The following VPS13D variants were observed in gnomAD, a reference collection of about 807,000 sequenced individuals.
The protein encoded by VPS13D is vacuolar protein sorting 13 homolog D.
VPS13D carries 187 observed loss-of-function variants against 461.9 expected under a neutral mutation model. The ratio of observed to expected loss-of-function variants is 0.40; its 90% CI spans 0.36 to 0.46. VPS13D has a LOEUF of 0.46. VPS13D is among the 20% of genes least tolerant of loss of function. VPS13D has a pLI of 0.60. For synonymous variants in VPS13D, 1,951 were observed against 1,986.3 expected, an observed-to-expected ratio of 0.98 and a Z score of 0.47; for missense variants, 4,711 against 5,364.9, an observed-to-expected ratio of 0.88 and a Z score of 3.81.
At chr1:12,382,008 TCTTCCTTC>T (rs529283157) in intron 57 of VPS13D, among the ~76,000 whole-genome samples, 3 of 144,958 alleles carry the variant, frequency 2.1e-5, no homozygotes, top group Admixed American at 7.1e-5. Flanking sequence ...TTCCTTCCTT[TCTTCCTTC>T]CTTCCTTCCT....
chr1:12,400,056 G>A (rs763578080), intron 60 of VPS13D, 125 bp from the exon 61 acceptor site: 9 of 1,028,104 alleles, frequency 8.8e-6, no homozygotes, highest in African/African-American at 4.8e-5. Flanking sequence ...TATTGAGATC[G>A]AGTGAAATGA....
intron 37 of VPS13D, among the ~76,000 whole-genome samples, chr1:12,331,636 C>T (rs1313276442): frequency 1.3e-5 from 2 of 149,178 alleles, no homozygotes; most frequent in East Asian, 4.0e-4. Flanking sequence ...GGTGTGAACC[C>T]AGGAGGTGGA....
chr1:12,417,425 G>A (rs1644808336), intron 65 of VPS13D, among the ~76,000 whole-genome samples: 1 of 152,210 alleles, frequency 6.6e-6, no homozygotes, highest in Non-Finnish European at 1.5e-5. Flanking sequence ...AAAAGGTGAA[G>A]CGAGTTGAAG....
rs1643882563 is a variant in VPS13D, at chr1:12,356,004, T to G, written c.9785T>G (p.Leu3262Arg). ...MRLYDVNRRQ[L>R]NLTIRIVCRA... ...CTCTATGACGTCAACCGTCGGCAGC[T>G]GAACCTCACCATCCGGATTGTGTGT... Residue 3262 changes from leucine to arginine, a missense_variant, in exon 48 of 70, where the codon CTG becomes CGG. Coordinates refer to ENST00000620676, the MANE Select transcript of VPS13D (RefSeq NM_015378.4). 1 of 1,614,058 alleles carries G rather than the reference T, an allele frequency of 6.2e-7. No homozygotes were observed. Among genetic ancestry groups the G allele is most frequent in the African/African-American group, 1.3e-5 (1 of 74,934 alleles).
rs180925913 is a variant in VPS13D, at chr1:12,323,665, A to C, written c.7916-41A>C. The C allele has an allele frequency of 2.4e-3, 3,853 of 1,574,588 alleles. 14 individuals carry two copies. The highest frequency in any genetic ancestry group is 2.9e-3 in the Non-Finnish European group (3,275 of 1,147,518). On this transcript the variant is annotated intron_variant, in intron 34 of 69. Coordinates refer to ENST00000620676, the MANE Select transcript of VPS13D (RefSeq NM_015378.4). Reference sequence around the variant, plus strand: ...AAAATTAGTTTGTAGATTAATTTACATAAAATTATTTATGAAAATTTTATG... The same window carrying C: ...AAAATTAGTTTGTAGATTAATTTACCTAAAATTATTTATGAAAATTTTATG...
At chr1:12,321,742 T>G in intron 32 of VPS13D, 67 bp from the exon 33 acceptor site, 5 of 1,512,698 alleles carry the variant, frequency 3.3e-6, no homozygotes, top group Non-Finnish European at 4.4e-6. Flanking sequence ...ATAGCCTCTT[T>G]GTGCTGGTAG....
In VPS13D at chr1:12,362,048, A is replaced by C. The variant is rs192803416; in HGVS notation, c.10142-672A>C. On this transcript the variant is annotated intron_variant, in intron 50 of 69. Transcript: ENST00000620676. Reference sequence around the variant, plus strand: ...CAGCTAATTTTTGTATTTTTAGTAGAGATGGGGTTTCGCCATGTTGGCCAG... The same window carrying C: ...CAGCTAATTTTTGTATTTTTAGTAGCGATGGGGTTTCGCCATGTTGGCCAG... Among the ~76,000 whole-genome samples, 471 of 152,164 alleles carry C rather than the reference A, an allele frequency of 3.1e-3. 4 individuals are homozygous for C. The highest frequency in any genetic ancestry group is 0.011 in the African/African-American group (447 of 41,498).
intron 30 of VPS13D, among the ~76,000 whole-genome samples, chr1:12,315,908 C>G (rs938468819): frequency 6.6e-6 from 1 of 152,156 alleles, no homozygotes; most frequent in Admixed American, 6.5e-5. Context: ...CCTCCGCCTC[C>G]CGGGTTCAAG....
At chr1:12,252,883 G>T (rs997140993) in intron 6 of VPS13D, among the ~76,000 whole-genome samples, 1 of 151,752 alleles carries the variant, frequency 6.6e-6, no homozygotes, top group African/African-American at 2.4e-5. Flanking sequence ...TCAGGACTGG[G>T]CGTGGTGGCT....
intron 63 of VPS13D, among the ~76,000 whole-genome samples, chr1:12,411,764 C>T (rs183812173): frequency 8.6e-4 from 131 of 152,254 alleles, no homozygotes; most frequent in Non-Finnish European, 1.3e-3. Flanking sequence ...CAGTTAAACG[C>T]GATTAAATGG....
Position 12,400,163 on chromosome 1 carries a change from A to C in VPS13D, c.11635-18A>C, listed in dbSNP as rs750308571. On this transcript the variant is annotated intron_variant, in intron 60 of 69. Coordinates refer to ENST00000620676, the MANE Select transcript of VPS13D (RefSeq NM_015378.4). ...GGTCTGTTTTTGTTTTTGCTTTGCT[A>C]CCTTTCCATGGCCGTAGGTGGACAA... 1.2e-6 allele frequency: 2 copies of C among 1,609,100 alleles called. No homozygotes were observed. The highest frequency in any genetic ancestry group is 1.7e-6 in the Non-Finnish European group (2 of 1,177,206).
chr1:12,284,234 T>C (rs963107637), intron 21 of VPS13D, among the ~76,000 whole-genome samples: 8 of 152,224 alleles, frequency 5.3e-5, no homozygotes, highest in Non-Finnish European at 7.3e-5. Context: ...GTACTTTCAC[T>C]GTACCCATAT....
intron 13 of VPS13D, among the ~76,000 whole-genome samples, chr1:12,265,631 A>G (rs1018506908): frequency 2.0e-5 from 3 of 152,194 alleles, no homozygotes; most frequent in African/African-American, 7.2e-5. Flanking sequence ...GAAGAAATCA[A>G]CCCTCTTGGA....
At chr1:12,458,266 T>G (rs1196554206) in intron 66 of VPS13D, among the ~76,000 whole-genome samples, 1 of 152,178 alleles carries the variant, frequency 6.6e-6, no homozygotes, top group East Asian at 1.9e-4. Flanking sequence ...CAGAATCCAC[T>G]CAATCCCCTT....
chr1:12,424,238 A>G (rs1216722484), intron 65 of VPS13D, among the ~76,000 whole-genome samples: 4 of 152,168 alleles, frequency 2.6e-5, no homozygotes, highest in Admixed American at 2.6e-4. Flanking sequence ...CACCCGAGGG[A>G]TTTCTTTTCC....
In VPS13D at chr1:12,279,760, A is replaced by G; in HGVS notation, c.4602+110A>G. On this transcript the variant is annotated intron_variant, in intron 20 of 69. Transcript: ENST00000620676. This position sits in a 1 kb window ranked among gnomAD's most constrained non-coding sequence, Gnocchi z 4.3. Reference sequence around the variant, plus strand: ...GGAAGGAATATATATTTTCAAAGATATATCACCCATGCATAATACCATTGT... The same window carrying G: ...GGAAGGAATATATATTTTCAAAGATGTATCACCCATGCATAATACCATTGT... 1 of 992,558 alleles carries G rather than the reference A, an allele frequency of 1.0e-6. No homozygotes were observed. The highest frequency in any genetic ancestry group is 1.4e-6 in the Non-Finnish European group (1 of 727,564). 61.5% of individuals were successfully genotyped at this position (992,558 alleles called of 1,614,324 possible).
At position 12,268,312 on chromosome 1, in the gene VPS13D, C is replaced by T. The variant is rs1173682801; in HGVS notation, c.1801+392C>T. ...TTTTTGGGGGACTTTCCAACAAAAA[C>T]CAGATCAGTAGTCTTTGATCAGTAG... is the stretch of plus-strand genomic sequence containing the variant. On this transcript the variant is annotated intron_variant, in intron 15 of 69. Coordinates refer to ENST00000620676, the MANE Select transcript of VPS13D (RefSeq NM_015378.4). Among the ~76,000 whole-genome samples, 7 of 143,890 alleles carry T rather than the reference C, an allele frequency of 4.9e-5. No homozygotes were observed. The Admixed American group carries it at 5.0e-4, about 10-fold the overall frequency. 94.4% of individuals were successfully genotyped at this position (143,890 alleles called of 152,430 possible).
chr1:12,322,100 C>T lies in VPS13D; in HGVS notation c.7704+136C>T, dbSNP rs1286994521. ...TTGTTTTTTGAGATGGAGTCTTGCT[C>T]TGTCGCCCAGGCTGGAGTGCAGTGG... On this transcript the variant is annotated intron_variant, in intron 33 of 69. Transcript: ENST00000620676. 13 of 1,128,408 alleles carry T rather than the reference C, an allele frequency of 1.2e-5. No individual in the cohort carries two copies. In the East Asian group the frequency reaches 1.6e-4, roughly 14 times the overall value. The allele number at this position is 1,128,408 out of a possible 1,614,324, so 69.9% of individuals were successfully genotyped here.
At chr1:12,388,594 GA>G (rs957767639) in intron 60 of VPS13D, among the ~76,000 whole-genome samples, 1 of 147,718 alleles carries the variant, frequency 6.8e-6, no homozygotes, top group Non-Finnish European at 1.5e-5. Flanking sequence ...AAAAAAAAAA[GA>G]AATCATAAAA....
Sources: gnomAD v4.1 joint callset for allele counts (sites outside exome capture counted in the v4.1 genomes callset) on GRCh38, gnomAD v4.1.1 for gene constraint, Gnocchi (gnomAD v3.1) non-coding constraint, MANE v1.5 for transcripts, NCBI Gene and HGNC (gene_info 2026-07-23, HGNC 2026-07-21) for gene names.